HHAT: variants seen among roughly 807,000 people sequenced by gnomAD.
HHAT encodes protein-cysteine N-palmitoyltransferase HHAT.
A neutral mutation model predicts 70.8 loss-of-function variants in HHAT; 47 were observed. The ratio of observed to expected loss-of-function variants is 0.66; its 90% CI spans 0.53 to 0.85. The LOEUF is 0.85. HHAT is among the 40% of genes least tolerant of loss of function. HHAT has a pLI of 0.00. For synonymous variants in HHAT, 228 were observed against 247.6 expected (o/e 0.92, Z 0.74); for missense variants, 609 against 604.8 (o/e 1.01, Z -0.07).
At chr1:210,636,610 T>C (rs971539018) in intron 11 of HHAT, among the ~76,000 whole-genome samples, 1 of 152,198 alleles carries the variant, frequency 6.6e-6, no homozygotes. Flanking sequence ...TGTTGCTAGC[T>C]GTTTGGGGAA....
At chr1:210,505,880 C>G (rs755692916) in intron 8 of HHAT, among the ~76,000 whole-genome samples, 2 of 152,172 alleles carry the variant, frequency 1.3e-5, no homozygotes, top group Non-Finnish European at 2.9e-5. Flanking sequence ...GTATTTGCCA[C>G]TCCTGGCCAT....
intron 3 of HHAT, chr1:210,374,263 A>C (rs1450823082): frequency 7.9e-6 from 1 of 126,546 alleles, no homozygotes; most frequent in Admixed American, 7.4e-5. Flanking sequence ...AAGAGAAACC[A>C]GTGTAATGCT....
At chr1:210,464,123 G>A (rs541685450) in intron 7 of HHAT, among the ~76,000 whole-genome samples, 79 of 151,916 alleles carry the variant, frequency 5.2e-4, no homozygotes, top group Non-Finnish European at 9.4e-4. Flanking sequence ...CTGTTATTCG[G>A]TCAAATACTA....
At chr1:210,483,947 T>C (rs2094437022) in intron 8 of HHAT, among the ~76,000 whole-genome samples, 1 of 152,086 alleles carries the variant, frequency 6.6e-6, no homozygotes, top group Non-Finnish European at 1.5e-5. Context: ...GGGAAAAAAA[T>C]ACTAGTTAAG....
chr1:210,531,150 A>G (rs745410211), intron 9 of HHAT, among the ~76,000 whole-genome samples: 40 of 152,344 alleles, frequency 2.6e-4, no homozygotes, highest in Admixed American at 1.2e-3. Context: ...CAGTTGTAAT[A>G]TGATGTAGGT....
chr1:210,562,772 A>G (rs2095635525), intron 9 of HHAT, among the ~76,000 whole-genome samples: 1 of 151,416 alleles, frequency 6.6e-6, no homozygotes, highest in African/African-American at 2.4e-5. Flanking sequence ...GTCATTTAAC[A>G]TTAGGTATAT....
chr1:210,574,275 C>T (rs1657099487), intron 9 of HHAT, among the ~76,000 whole-genome samples: 1 of 152,142 alleles, frequency 6.6e-6, no homozygotes, highest in South Asian at 2.1e-4. Context: ...AAAGACTGGC[C>T]AGGAGCCTTC....
intron 9 of HHAT, among the ~76,000 whole-genome samples, chr1:210,516,955 T>C (rs1282927834): frequency 6.6e-6 from 1 of 152,216 alleles, no homozygotes; most frequent in Non-Finnish European, 1.5e-5. Flanking sequence ...TCACATTTAA[T>C]GAAATGTGGG....
chr1:210,570,161 C>T (rs1655894806), intron 9 of HHAT, among the ~76,000 whole-genome samples: 1 of 152,174 alleles, frequency 6.6e-6, no homozygotes, highest in Non-Finnish European at 1.5e-5. Flanking sequence ...GAAAGGGAGA[C>T]ATTTTACCTT....
At chr1:210,668,652 T>C (rs1490940405) in intron 11 of HHAT, among the ~76,000 whole-genome samples, 1 of 152,258 alleles carries the variant, frequency 6.6e-6, no homozygotes, top group Non-Finnish European at 1.5e-5. Flanking sequence ...TATGTCTTTA[T>C]TAGCAGTGTG....
chr1:210,408,558 C>G (rs1296263547), intron 6 of HHAT, among the ~76,000 whole-genome samples: 1 of 152,126 alleles, frequency 6.6e-6, no homozygotes, highest in Non-Finnish European at 1.5e-5. Flanking sequence ...AAGTGAGACC[C>G]TGGGTATCCA....
At chr1:210,396,115 C>T (rs6693035) in intron 4 of HHAT, among the ~76,000 whole-genome samples, 94,456 of 152,046 alleles carry the variant, frequency 0.62, 29,993 homozygotes, top group African/African-American at 0.73. Context: ...AAGGCCATAG[C>T]GTTCAGTCTG....
chr1:210,474,702 G>C (rs769423583), intron 8 of HHAT, among the ~76,000 whole-genome samples: 17 of 152,142 alleles, frequency 1.1e-4, no homozygotes, highest in Admixed American at 5.9e-4. Flanking sequence ...CCAAGAAGGA[G>C]GTTGTGTTTC....
chr1:210,343,696 C>T (rs943542669), intron 1 of HHAT, among the ~76,000 whole-genome samples: 6 of 152,246 alleles, frequency 3.9e-5, no homozygotes, highest in Admixed American at 3.3e-4. Flanking sequence ...GGATAGTTTG[C>T]TTGCTGTCCA....
At chr1:210,335,619 A>G (rs566899158) in intron 1 of HHAT, among the ~76,000 whole-genome samples, 40 of 152,358 alleles carry the variant, frequency 2.6e-4, no homozygotes, top group African/African-American at 9.4e-4. Context: ...AAACAGGCTT[A>G]TACATCTGTG....
Position 210,464,299 on chromosome 1 carries a change from A to T in HHAT, c.857-206A>T, listed in dbSNP as rs114466367. Among the ~76,000 whole-genome samples the T allele has an allele frequency of 7.9e-3, 1,196 of 152,312 alleles. 19 individuals carry two copies. Among genetic ancestry groups the T allele is most frequent in the African/African-American group, 0.027 (1,139 of 41,556 alleles). On this transcript the variant is annotated intron_variant, in intron 7 of 11. Coordinates refer to ENST00000261458, the MANE Select transcript of HHAT (RefSeq NM_018194.6). Reference sequence around the variant, plus strand: ...CTCCTAAGAGGTCCTCTTGCCTGTCACAATAATGAAATTTCATTGTTTGTT... The same window carrying T: ...CTCCTAAGAGGTCCTCTTGCCTGTCTCAATAATGAAATTTCATTGTTTGTT...
At chr1:210,578,477 T>C (rs1021888937) in intron 9 of HHAT, among the ~76,000 whole-genome samples, 3 of 152,224 alleles carry the variant, frequency 2.0e-5, no homozygotes, top group South Asian at 2.1e-4. Flanking sequence ...CTTCTGAGTA[T>C]ACAAAATAAT....
At chr1:210,629,745 A>T (rs1214653999) in intron 11 of HHAT, among the ~76,000 whole-genome samples, 1 of 151,892 alleles carries the variant, frequency 6.6e-6, no homozygotes, top group African/African-American at 2.4e-5. Flanking sequence ...CCAGCAGTGT[A>T]GCATCTTCAA....
chr1:210,646,428 C>T (rs1439227287), intron 11 of HHAT, among the ~76,000 whole-genome samples: 1 of 152,226 alleles, frequency 6.6e-6, no homozygotes, highest in African/African-American at 2.4e-5. Context: ...GTGCTCTATT[C>T]TAATCCTTTT....
Sources: gnomAD v4.1 joint callset for allele counts (sites outside exome capture counted in the v4.1 genomes callset) on GRCh38, gnomAD v4.1.1 for gene constraint, MANE v1.5 for transcripts, NCBI Gene and HGNC (gene_info 2026-07-23, HGNC 2026-07-21) for gene names.